The following CMC1 variants were observed in gnomAD, a reference collection of about 807,000 sequenced individuals.
CMC1 encodes the protein C-X9-C motif containing 1.
In CMC1, 14 loss-of-function variants were observed where a neutral mutation model predicts 14.1. The ratio of observed to expected loss-of-function variants is 0.99; its 90% CI spans 0.66 to 1.55. The LOEUF is 1.55. CMC1 is among the 40% of genes most tolerant of loss of function. The pLI, the probability that CMC1 is intolerant of heterozygous loss-of-function variation, is 0.00. For synonymous variants in CMC1, 50 were observed against 38.4 expected, an observed-to-expected ratio of 1.30 and a Z score of -1.12; for missense variants, 127 against 123.8, an observed-to-expected ratio of 1.03 and a Z score of -0.12.
intron 2 of CMC1, among the ~76,000 whole-genome samples, chr3:28,269,254 G>C (rs980752810): frequency 9.2e-5 from 14 of 152,268 alleles, no homozygotes; most frequent in African/African-American, 3.4e-4. Context: ...TACTGATCCA[G>C]TGGTTCTCAA....
chr3:28,324,361 G>C lies in CMC1; in HGVS notation c.*4732G>C. The C allele has an allele frequency of 6.3e-7, 1 of 1,593,940 alleles. No individual in the cohort carries two copies. On this transcript the variant is annotated 3_prime_UTR_variant, in exon 4 of 4. Transcript: ENST00000466830. ...AAGAGCTTTGCCATTTGGTAAGAGA[G>C]GGGGATGTCTTGTGTATGTTGCAGT...
intron 2 of CMC1, among the ~76,000 whole-genome samples, chr3:28,313,714 G>T (rs1315368051): frequency 1.3e-5 from 2 of 152,182 alleles, no homozygotes; most frequent in African/African-American, 4.8e-5. Flanking sequence ...CCTTTATTGT[G>T]ATCAGAACAC....
intron 2 of CMC1, among the ~76,000 whole-genome samples, chr3:28,310,551 A>AT (rs1260677425): frequency 1.3e-5 from 2 of 152,208 alleles, no homozygotes; most frequent in Non-Finnish European, 2.9e-5. Flanking sequence ...AATGTAGATA[A>AT]TTTTTTCTTT....
At chr3:28,316,787 A>G (rs1205146712) in intron 3 of CMC1, 1 of 156,804 alleles carries the variant, frequency 6.4e-6, no homozygotes, top group Non-Finnish European at 1.4e-5. Context: ...GACTTCCTCC[A>G]GCCTTGTGAT....
At chr3:28,271,485 C>A (rs1176647701) in intron 2 of CMC1, among the ~76,000 whole-genome samples, 1 of 152,156 alleles carries the variant, frequency 6.6e-6, no homozygotes, top group Non-Finnish European at 1.5e-5. Flanking sequence ...TTGTTTTTGT[C>A]AGGTTTGTCG....
rs78550370 is a variant in CMC1, at chr3:28,290,876, G to C, written c.110-25457G>C. Reference sequence around the variant, plus strand: ...TAGTTTCTGTGAGTCAGGTATCTCGGTATGACAACTGGGTCTTCTGCTTCA... The same window carrying C: ...TAGTTTCTGTGAGTCAGGTATCTCGCTATGACAACTGGGTCTTCTGCTTCA... On this transcript the variant is annotated intron_variant, in intron 2 of 3. Coordinates refer to ENST00000466830, the MANE Select transcript of CMC1 (RefSeq NM_182523.2). 1.6e-4 allele frequency among the ~76,000 whole-genome samples: 24 copies of C among 151,898 alleles called. No individual in the cohort carries two copies. The East Asian group carries it at 4.7e-3, about 30-fold the overall frequency.
In CMC1 at chr3:28,241,715, G is replaced by T; in HGVS notation, c.-79G>T. On this transcript the variant is annotated 5_prime_UTR_variant, in exon 1 of 4. Transcript: ENST00000466830. ...TCCCGGGGGTCGCACGTGCGTCCGA[G>T]CCCAAGCCCCTCCCCTCCACTCCCC... 8.1e-7 allele frequency: 1 copy of T among 1,238,848 alleles called. No homozygotes were observed. 76.7% of individuals were successfully genotyped at this position (1,238,848 alleles called of 1,614,324 possible).
At chr3:28,285,152 T>C (rs1701105683) in intron 2 of CMC1, among the ~76,000 whole-genome samples, 1 of 152,228 alleles carries the variant, frequency 6.6e-6, no homozygotes, top group Non-Finnish European at 1.5e-5. Flanking sequence ...AAAATGATTG[T>C]GACATGGAGA....
intron 2 of CMC1, among the ~76,000 whole-genome samples, chr3:28,307,183 C>G (rs1441190517): frequency 2.0e-5 from 3 of 152,078 alleles, no homozygotes; most frequent in Admixed American, 1.3e-4. Flanking sequence ...CAATGGGATA[C>G]AAGTTTTTGT....
At chr3:28,260,379 G>T (rs1232813173) in intron 1 of CMC1, among the ~76,000 whole-genome samples, 1 of 151,910 alleles carries the variant, frequency 6.6e-6, no homozygotes, top group Non-Finnish European at 1.5e-5. Flanking sequence ...TTTTTTTAAA[G>T]GAATTTATTC....
intron 2 of CMC1, among the ~76,000 whole-genome samples, chr3:28,304,365 A>G (rs1168449680): frequency 6.6e-6 from 1 of 151,970 alleles, no homozygotes; most frequent in Non-Finnish European, 1.5e-5. Flanking sequence ...TGTCTCAGTC[A>G]TAATCCCTGA....
At chr3:28,287,163 C>G (rs1396601712) in intron 2 of CMC1, among the ~76,000 whole-genome samples, 1 of 152,094 alleles carries the variant, frequency 6.6e-6, no homozygotes, top group African/African-American at 2.4e-5. Flanking sequence ...TTATTCTGCC[C>G]AAATCCAAGA....
intron 2 of CMC1, among the ~76,000 whole-genome samples, chr3:28,278,422 G>A (rs1339445447): frequency 6.6e-6 from 1 of 152,146 alleles, no homozygotes; most frequent in Non-Finnish European, 1.5e-5. Flanking sequence ...GGAAACAAAG[G>A]AGTAGAATGT....
At chr3:28,258,204 T>C (rs1699525602) in intron 1 of CMC1, among the ~76,000 whole-genome samples, 1 of 151,144 alleles carries the variant, frequency 6.6e-6, no homozygotes, top group Non-Finnish European at 1.5e-5. Context: ...TCAAGTCCTT[T>C]GTTATATATA....
chr3:28,292,651 A>T (rs1419637128), intron 2 of CMC1: 1 of 152,184 alleles, frequency 6.6e-6, no homozygotes, highest in Non-Finnish European at 1.5e-5. Context: ...GTAGATTTCT[A>T]AGATGTGGTT....
intron 1 of CMC1, among the ~76,000 whole-genome samples, chr3:28,256,907 T>C (rs1292275406): frequency 4.6e-5 from 7 of 152,136 alleles, no homozygotes; most frequent in African/African-American, 1.7e-4. Context: ...AATATTAAAA[T>C]TGAGAGAGGT....
intron 2 of CMC1, among the ~76,000 whole-genome samples, chr3:28,301,891 C>T (rs1702067492): frequency 6.6e-6 from 1 of 151,634 alleles, no homozygotes; most frequent in Non-Finnish European, 1.5e-5. Context: ...TCCCATCCCC[C>T]ATCAACACAC....
chr3:28,296,574 T>C (rs1701750572), intron 2 of CMC1, among the ~76,000 whole-genome samples: 1 of 152,048 alleles, frequency 6.6e-6, no homozygotes. Context: ...CTTTCTTTAC[T>C]TTCTTTTGTT....
intron 1 of CMC1, among the ~76,000 whole-genome samples, chr3:28,262,861 T>A (rs1559407492): frequency 6.6e-6 from 1 of 152,164 alleles, no homozygotes; most frequent in Non-Finnish European, 1.5e-5. Context: ...GTTAGTTCTT[T>A]TTTAGGCTAC....
Sources: allele counts gnomAD v4.1 joint callset (sites outside exome capture counted in the v4.1 genomes callset), GRCh38; gene constraint gnomAD v4.1.1; transcripts MANE v1.5; gene names NCBI Gene and HGNC (gene_info 2026-07-23, HGNC 2026-07-21).